Variants in NEK11 observed in about 807,000 individuals in gnomAD.
The protein encoded by NEK11 is serine/threonine-protein kinase Nek11.
In NEK11, 72 loss-of-function variants were observed where a neutral mutation model predicts 80.7. The ratio of observed to expected loss-of-function variants is 0.89; its 90% CI spans 0.74 to 1.08. The LOEUF (loss-of-function observed/expected upper bound fraction) is 1.08. Among genes scored for constraint, NEK11 ranks in the 50% least tolerant of loss-of-function variants. The pLI is 0.00. For missense variants in NEK11, 764 were observed against 763.6 expected, an observed-to-expected ratio of 1.00 and a Z score of -0.01; for synonymous variants, 251 against 260.7, an observed-to-expected ratio of 0.96 and a Z score of 0.36.
chr3:131,349,705 C>T lies in NEK11; in HGVS notation c.1867C>T (p.Gln623Ter), dbSNP rs1283580201. The T allele has an allele frequency of 6.2e-7, 1 of 1,614,176 alleles. No homozygotes were observed. The highest frequency in any genetic ancestry group is 8.5e-7 in the Non-Finnish European group (1 of 1,180,018). ...AGCCAGCGACTGTTTTGAAGTGGAC[C>T]AGCTCCTGTACTTTGAAGAGCAGTT... The part of the protein sequence containing the change: ...PQASDCFEVD[Q>*]LLYFEEQLLI... The change falls in exon 18 of 18, where the codon CAG becomes TAG. Residue 623 changes from glutamine to a stop codon, truncating the protein, a stop_gained. Transcript: ENST00000383366. LOFTEE classifies it low-confidence loss of function (END_TRUNC).
intron 14 of NEK11, among the ~76,000 whole-genome samples, chr3:131,182,963 A>G (rs570119250): frequency 3.3e-5 from 5 of 152,300 alleles, no homozygotes; most frequent in Admixed American, 3.3e-4. Flanking sequence ...CCATTTTAAG[A>G]TATAATAATT....
At chr3:131,267,629 G>C (rs1422752394) in intron 16 of NEK11, among the ~76,000 whole-genome samples, 1 of 151,950 alleles carries the variant, frequency 6.6e-6, no homozygotes, top group Non-Finnish European at 1.5e-5. Context: ...TAGGGTTTCT[G>C]CTGAGAGATC....
intron 3 of NEK11, among the ~76,000 whole-genome samples, chr3:131,058,355 C>T (rs976401171): frequency 3.9e-5 from 6 of 151,986 alleles, no homozygotes; most frequent in Admixed American, 6.6e-5. Context: ...TGGCTTAGGA[C>T]TGACTTGGCG....
intron 14 of NEK11, among the ~76,000 whole-genome samples, chr3:131,186,268 G>A (rs1210050236): frequency 1.3e-5 from 2 of 152,080 alleles, no homozygotes; most frequent in African/African-American, 4.8e-5. Flanking sequence ...TATTGTTTTT[G>A]CGTTTATGAA....
At chr3:131,109,650 T>C (rs1285343523) in intron 4 of NEK11, 153 bp from the exon 5 acceptor site, 5 of 771,306 alleles carry the variant, frequency 6.5e-6, no homozygotes, top group Non-Finnish European at 1.0e-5. Flanking sequence ...GGAACCTGGA[T>C]AGACTTTGAT....
rs192029359 is a variant in NEK11, at chr3:131,041,785, T to C, written c.170+11907T>C. Among the ~76,000 whole-genome samples, 486 of 152,242 alleles carry C rather than the reference T, an allele frequency of 3.2e-3. 3 individuals are homozygous for C. The highest frequency in any genetic ancestry group is 4.8e-3 in the Non-Finnish European group (327 of 68,006). On this transcript the variant is annotated intron_variant, in intron 3 of 17. Coordinates refer to ENST00000383366, the MANE Select transcript of NEK11 (RefSeq NM_024800.5). Reference sequence around the variant, plus strand: ...GTACTCAGTGGAGACTTCTACTTTATAAAAATTCAAAAGGCGATTCCAGGG... The same window carrying C: ...GTACTCAGTGGAGACTTCTACTTTACAAAAATTCAAAAGGCGATTCCAGGG...
At chr3:131,230,299 G>T (rs2095305556) in intron 15 of NEK11, among the ~76,000 whole-genome samples, 1 of 152,082 alleles carries the variant, frequency 6.6e-6, no homozygotes, top group Admixed American at 6.6e-5. Context: ...AGAATATAGG[G>T]TTGGAAAACA....
intron 4 of NEK11, among the ~76,000 whole-genome samples, chr3:131,099,197 C>A (rs2077971966): frequency 6.6e-6 from 1 of 152,174 alleles, no homozygotes; most frequent in South Asian, 2.1e-4. Flanking sequence ...ATATGGCCAG[C>A]CAGTTATCTC....
Position 131,029,837 on chromosome 3 carries a change from C to CT in NEK11, c.130dup (p.Tyr44LeufsTer18). The CT allele has an allele frequency of 6.2e-7, 1 of 1,614,194 alleles. No individual in the cohort carries two copies. The highest frequency in any genetic ancestry group is 1.1e-5 in the South Asian group (1 of 91,084). ...TTGGCAGTGGAAGTTTTGGAACTGT[C>CT]TATCTGGTTTCAGACAAGAAAGCCA... On this transcript the variant is annotated frameshift_variant, in exon 3 of 18. Coordinates refer to ENST00000383366, the MANE Select transcript of NEK11 (RefSeq NM_024800.5). LOFTEE classifies it high-confidence loss of function.
At chr3:131,295,891 G>A (rs538773810) in intron 17 of NEK11, among the ~76,000 whole-genome samples, 136 of 152,134 alleles carry the variant, frequency 8.9e-4, no homozygotes, top group Non-Finnish European at 1.6e-3. Flanking sequence ...CTGAGCTGGA[G>A]TGGAGTGGTA....
intron 3 of NEK11, among the ~76,000 whole-genome samples, chr3:131,040,603 A>G (rs9818894): frequency 0.45 from 68,169 of 152,048 alleles, 17,112 homozygotes; most frequent in Middle Eastern, 0.67. Flanking sequence ...ATGAAACTTG[A>G]TACTTTCAGC....
intron 3 of NEK11, among the ~76,000 whole-genome samples, chr3:131,078,864 C>T (rs532257402): frequency 2.7e-5 from 4 of 149,444 alleles, no homozygotes; most frequent in Middle Eastern, 3.5e-3. Context: ...TGGTTAGAGA[C>T]TCCTTCATCT....
At chr3:131,279,864 C>T (rs2033182) in intron 17 of NEK11, among the ~76,000 whole-genome samples, 42,388 of 152,058 alleles carry the variant, frequency 0.28, 7,404 homozygotes, top group Middle Eastern at 0.45. Flanking sequence ...ACCTCACTAG[C>T]AGCGGTCCCG....
At chr3:131,245,966 C>T (rs915619425) in intron 16 of NEK11, among the ~76,000 whole-genome samples, 1 of 152,006 alleles carries the variant, frequency 6.6e-6, no homozygotes, top group African/African-American at 2.4e-5. Context: ...TCTTTTGCTA[C>T]ACAGAAACAT....
chr3:131,206,969 A>G (rs187570623), intron 14 of NEK11, among the ~76,000 whole-genome samples: 4 of 152,222 alleles, frequency 2.6e-5, no homozygotes, highest in Non-Finnish European at 5.9e-5. Context: ...TTCCAGCTTC[A>G]TCCATGTCCC....
intron 3 of NEK11, among the ~76,000 whole-genome samples, chr3:131,054,940 C>T (rs1469597141): frequency 1.3e-5 from 2 of 152,044 alleles, no homozygotes; most frequent in Non-Finnish European, 2.9e-5. Flanking sequence ...TTTCACCCTG[C>T]TTTTTCCTTT....
chr3:131,236,406 C>T (rs189327369), intron 15 of NEK11, among the ~76,000 whole-genome samples: 19 of 152,148 alleles, frequency 1.2e-4, no homozygotes, highest in Non-Finnish European at 2.1e-4. Context: ...CATTTCTAAA[C>T]CGTAATTCTA....
At chr3:131,108,821 C>T (rs776552435) in intron 4 of NEK11, among the ~76,000 whole-genome samples, 29 of 151,964 alleles carry the variant, frequency 1.9e-4, no homozygotes, top group African/African-American at 6.3e-4. Context: ...GCTATAGCTA[C>T]GTAGAGGAAA....
At chr3:131,273,864 GA>G (rs1282038242) in intron 17 of NEK11, among the ~76,000 whole-genome samples, 2 of 152,048 alleles carry the variant, frequency 1.3e-5, no homozygotes, top group South Asian at 2.1e-4. Context: ...AAGCAAAGGA[GA>G]AAAAAATGCT....
Sources: gnomAD v4.1 joint callset for allele counts (sites outside exome capture counted in the v4.1 genomes callset) on GRCh38, gnomAD v4.1.1 for gene constraint, MANE v1.5 for transcripts, NCBI Gene and HGNC (gene_info 2026-07-23, HGNC 2026-07-21) for gene names.